The following ACACA variants were observed in gnomAD, a reference collection of about 807,000 sequenced individuals.
ACACA encodes acetyl-CoA carboxylase alpha.
A neutral mutation model predicts 296.1 loss-of-function variants in ACACA; 103 were observed. That is an observed-to-expected ratio of 0.35 (90% CI 0.30 to 0.41). The LOEUF is 0.41. Among genes scored for constraint, ACACA ranks in the 10% least tolerant of loss-of-function variants. The pLI, the probability that ACACA is intolerant of heterozygous loss-of-function variation, is 1.00. For synonymous variants in ACACA, 953 were observed against 1,038.6 expected (o/e 0.92, Z 1.58); for missense variants, 1,554 against 2,989.7 (o/e 0.52, Z 11.20).
rs931411636 is a variant in ACACA at position 37,230,371 on chromosome 17, C to T, written c.3247-3919G>A. ...TGCACTCCAGCCTGGGCAATAAGAG[C>T]GAAACTCCATCTCAAAAAATAAATA... On this transcript the variant is annotated intron_variant, in intron 25 of 55. Transcript: ENST00000616317. 4.4e-4 allele frequency among the ~76,000 whole-genome samples: 64 copies of T among 145,042 alleles called. 1 individual carries two copies. Among genetic ancestry groups the T allele is most frequent in the Non-Finnish European group, 7.7e-4 (51 of 66,418 alleles).
intron 41 of ACACA, among the ~76,000 whole-genome samples, chr17:37,174,018 ATATTT>A (rs2077009220): frequency 1.9e-4 from 3 of 15,438 alleles, no homozygotes; most frequent in Non-Finnish European, 3.3e-4. Flanking sequence ...ATATATATAT[ATATTT>A]TTTTTTTTTT....
At chr17:37,128,299 T>C (rs957912940) in intron 47 of ACACA, among the ~76,000 whole-genome samples, 1 of 152,132 alleles carries the variant, frequency 6.6e-6, no homozygotes, top group Non-Finnish European at 1.5e-5. Context: ...TTTTGTAAAA[T>C]AGTTATCTCT....
chr17:37,337,865 A>AG (rs1444272633), intron 2 of ACACA, among the ~76,000 whole-genome samples: 1 of 152,120 alleles, frequency 6.6e-6, no homozygotes, highest in Admixed American at 6.5e-5. Context: ...TGGGAGGCCA[A>AG]GGTAGGTGGA....
At chr17:37,129,538 T>G in intron 46 of ACACA, 53 bp from the exon 47 acceptor site, 1 of 1,610,704 alleles carries the variant, frequency 6.2e-7, no homozygotes, top group Non-Finnish European at 8.5e-7. Context: ...AGCCCTAGAC[T>G]CCAACTCAGC....
intron 19 of ACACA, 81 bp from the exon 20 acceptor site, chr17:37,245,295 A>G (rs2080638983): frequency 6.8e-7 from 1 of 1,474,852 alleles, no homozygotes; most frequent in Non-Finnish European, 9.4e-7. Flanking sequence ...TTTTTCCCTT[A>G]GCATCTAAGT....
At chr17:37,371,694 G>T (rs1048281249) in intron 1 of ACACA, among the ~76,000 whole-genome samples, 3 of 151,590 alleles carry the variant, frequency 2.0e-5, no homozygotes, top group Non-Finnish European at 4.4e-5. Context: ...GAGGTCAGGA[G>T]TTTGAGACCA....
At chr17:37,322,840 C>G (rs2047419660) in intron 3 of ACACA, among the ~76,000 whole-genome samples, 1 of 152,184 alleles carries the variant, frequency 6.6e-6, no homozygotes, top group Non-Finnish European at 1.5e-5. Context: ...GGAAGACCAC[C>G]TCCCTACTCC....
At chr17:37,376,008 G>C in intron 1 of ACACA, 1 of 1,192,396 alleles carries the variant, frequency 8.4e-7, no homozygotes, top group Non-Finnish European at 1.2e-6. Context: ...AGCTGCGTGT[G>C]GTGAAAGCAA....
At chr17:37,149,099 T>C (rs1433516230) in intron 45 of ACACA, among the ~76,000 whole-genome samples, 1 of 152,232 alleles carries the variant, frequency 6.6e-6, no homozygotes, top group Admixed American at 6.5e-5. Flanking sequence ...TATTCTTGGA[T>C]AGTTTTCACT....
intron 45 of ACACA, among the ~76,000 whole-genome samples, chr17:37,142,535 GAA>G (rs1567714758): frequency 6.6e-6 from 1 of 152,224 alleles, no homozygotes; most frequent in Non-Finnish European, 1.5e-5. Flanking sequence ...GGATTACTCA[GAA>G]AGGAAGCTAA....
intron 50 of ACACA, among the ~76,000 whole-genome samples, chr17:37,119,892 T>C (rs887255558): frequency 7.7e-6 from 1 of 130,478 alleles, no homozygotes; most frequent in African/African-American, 3.4e-5. Flanking sequence ...TTTTTCTTTC[T>C]TTCTTTTTTT....
At chr17:37,319,464 T>C (rs557405501) in intron 3 of ACACA, among the ~76,000 whole-genome samples, 56 of 152,278 alleles carry the variant, frequency 3.7e-4, no homozygotes, top group Non-Finnish European at 6.2e-4. Context: ...CAAGCGTTTA[T>C]GTTTGCTTGC....
intron 49 of ACACA, 146 bp downstream of exon 49, chr17:37,122,385 G>A: frequency 1.3e-6 from 1 of 761,574 alleles, no homozygotes; most frequent in East Asian, 2.5e-5. Context: ...CCTTAAAAGT[G>A]AGCACATGAT....
chr17:37,378,719 A>G (rs1411753300), intron 1 of ACACA, among the ~76,000 whole-genome samples: 2 of 151,982 alleles, frequency 1.3e-5, no homozygotes, highest in Non-Finnish European at 2.9e-5. Flanking sequence ...GGGCAACAAG[A>G]GCAAAACTCA....
intron 25 of ACACA, among the ~76,000 whole-genome samples, chr17:37,231,292 T>A (rs1440674448): frequency 6.6e-6 from 1 of 150,946 alleles, no homozygotes; most frequent in Non-Finnish European, 1.5e-5. Context: ...TCCAACTTGA[T>A]CTTAGAAGGC....
chr17:37,142,333 A>G (rs761875666), intron 45 of ACACA, among the ~76,000 whole-genome samples: 3 of 152,234 alleles, frequency 2.0e-5, no homozygotes, highest in Non-Finnish European at 2.9e-5. Context: ...GCAGACTAAT[A>G]GAGTCAAAAC....
At chr17:37,405,378 C>G (rs762601485) in intron 1 of ACACA, among the ~76,000 whole-genome samples, 5 of 152,108 alleles carry the variant, frequency 3.3e-5, no homozygotes, top group Non-Finnish European at 7.3e-5. Context: ...TGCTGAATTC[C>G]CAGCACCTAC....
intron 41 of ACACA, among the ~76,000 whole-genome samples, chr17:37,165,364 C>T (rs1425801549): frequency 1.3e-5 from 2 of 152,044 alleles, no homozygotes; most frequent in African/African-American, 2.4e-5. Context: ...CAAATCCAGG[C>T]GCTATCACTT....
chr17:37,188,598 A>G (rs754939113), intron 38 of ACACA, 118 bp from the exon 39 acceptor site: 78 of 1,044,698 alleles, frequency 7.5e-5, no homozygotes, highest in Non-Finnish European at 1.0e-4. Context: ...GTTTGTGGAG[A>G]TGCACACCTT....
Sources: gnomAD v4.1 joint callset for allele counts (sites outside exome capture counted in the v4.1 genomes callset) on GRCh38, gnomAD v4.1.1 for gene constraint, MANE v1.5 for transcripts, NCBI Gene and HGNC (gene_info 2026-07-23, HGNC 2026-07-21) for gene names.